TENM2: variants seen among roughly 807,000 people sequenced by gnomAD.
The protein encoded by TENM2 is teneurin transmembrane protein 2.
In TENM2, 52 loss-of-function variants were observed where a neutral mutation model predicts 245.2. The observed-to-expected ratio is 0.21, with a 90% CI of 0.17 to 0.27. TENM2 has a LOEUF of 0.27. Among genes scored for constraint, TENM2 ranks in the 10% least tolerant of loss-of-function variants. The pLI is 1.00. For missense variants in TENM2, 3,046 were observed against 3,666.8 expected, an observed-to-expected ratio of 0.83 and a Z score of 4.37; for synonymous variants, 1,363 against 1,438.9, an observed-to-expected ratio of 0.95 and a Z score of 1.19.
At chr5:167,210,794 T>A in the TENM2 span, among the ~76,000 whole-genome samples, 1 of 152,184 alleles carries the variant, frequency 6.6e-6, no homozygotes, top group South Asian at 2.1e-4. Flanking sequence ...TTCCTCTACA[T>A]GCATTTTCTA....
chr5:167,609,515 A>G (rs1414997666), intron 2 of TENM2, among the ~76,000 whole-genome samples: 6 of 87,822 alleles, frequency 6.8e-5, no homozygotes, highest in East Asian at 3.4e-4. Context: ...AAAAAAAACA[A>G]AACCTTACCT....
intron 1 of TENM2, among the ~76,000 whole-genome samples, chr5:167,355,543 G>T (rs767919689): frequency 6.6e-6 from 1 of 152,322 alleles, no homozygotes; most frequent in African/African-American, 2.4e-5. Flanking sequence ...TTGTGACACA[G>T]GAATAGCAGA....
chr5:168,056,623 A>G lies in TENM2; in HGVS notation c.1310-5437A>G, dbSNP rs140538333. Reference sequence around the variant, plus strand: ...TTTTTTATTAAGTTAGTGTAGCCTAAGTCTACAGTATTTACAAGGTCAAAA... The same window carrying G: ...TTTTTTATTAAGTTAGTGTAGCCTAGGTCTACAGTATTTACAAGGTCAAAA... On this transcript the variant is annotated intron_variant, in intron 6 of 28. Transcript: ENST00000518659. Among the ~76,000 whole-genome samples, 1,269 of 152,300 alleles carry G rather than the reference A, an allele frequency of 8.3e-3. 6 individuals are homozygous for G. The highest frequency in any genetic ancestry group is 0.024 in the Middle Eastern group (7 of 294).
intron 2 of TENM2, among the ~76,000 whole-genome samples, chr5:167,401,745 A>G (rs1223686560): frequency 1.3e-5 from 2 of 152,196 alleles, no homozygotes; most frequent in African/African-American, 4.8e-5. Flanking sequence ...TTATCCTATT[A>G]GAACACTGAC....
At chr5:167,049,362 T>C in the TENM2 span, among the ~76,000 whole-genome samples, 1 of 152,228 alleles carries the variant, frequency 6.6e-6, no homozygotes, top group African/African-American at 2.4e-5. Flanking sequence ...TGACTGCCTT[T>C]CGTCCTAAAA....
the TENM2 span, among the ~76,000 whole-genome samples, chr5:167,063,150 G>T: frequency 6.6e-6 from 1 of 152,040 alleles, no homozygotes; most frequent in Non-Finnish European, 1.5e-5. Flanking sequence ...AATGTCTTTT[G>T]CCCTCATGTT....
chr5:167,087,894 A>G, the TENM2 span, among the ~76,000 whole-genome samples: 3 of 151,840 alleles, frequency 2.0e-5, no homozygotes, highest in Non-Finnish European at 4.4e-5. Flanking sequence ...GGTTCCAGCA[A>G]TTCTCCTGCC....
intron 2 of TENM2, among the ~76,000 whole-genome samples, chr5:167,438,203 T>C (rs1764675753): frequency 1.3e-5 from 2 of 152,312 alleles, no homozygotes; most frequent in East Asian, 1.9e-4. Flanking sequence ...AAATGAACTA[T>C]GTACTTTTTT....
intron 8 of TENM2, among the ~76,000 whole-genome samples, chr5:168,093,003 A>G (rs1173512512): frequency 6.6e-6 from 1 of 152,240 alleles, no homozygotes; most frequent in East Asian, 1.9e-4. Flanking sequence ...CAACTGAGGA[A>G]GCCAAGACTA....
chr5:167,563,479 G>T (rs1019882651), intron 2 of TENM2, among the ~76,000 whole-genome samples: 1 of 152,090 alleles, frequency 6.6e-6, no homozygotes, highest in Non-Finnish European at 1.5e-5. Flanking sequence ...GTGATGTCTC[G>T]TAAATCTTTG....
chr5:167,332,167 T>G (rs760294438), intron 1 of TENM2, among the ~76,000 whole-genome samples: 1 of 152,308 alleles, frequency 6.6e-6, no homozygotes, highest in Admixed American at 6.5e-5. Flanking sequence ...GAAAAAAATT[T>G]GGGCGTTACG....
chr5:167,775,814 G>T (rs1163732050), intron 2 of TENM2, among the ~76,000 whole-genome samples: 1 of 152,088 alleles, frequency 6.6e-6, no homozygotes, highest in African/African-American at 2.4e-5. Flanking sequence ...GACCCAGCAG[G>T]TTTATTTCTA....
chr5:167,078,341 G>A, the TENM2 span, among the ~76,000 whole-genome samples: 1 of 152,080 alleles, frequency 6.6e-6, no homozygotes, highest in Non-Finnish European at 1.5e-5. Flanking sequence ...AAATTAGCCA[G>A]GTGTGGTGGC....
intron 3 of TENM2, among the ~76,000 whole-genome samples, chr5:167,893,724 C>T (rs1016658949): frequency 6.6e-6 from 1 of 151,054 alleles, no homozygotes; most frequent in African/African-American, 2.4e-5. Context: ...AATTTCCAAA[C>T]GCTTTTAAAA....
chr5:168,023,422 G>A (rs770536858), intron 5 of TENM2, among the ~76,000 whole-genome samples: 5 of 152,168 alleles, frequency 3.3e-5, no homozygotes, highest in Admixed American at 6.5e-5. Context: ...CTCTCTGGCA[G>A]CCTGGCCCGC....
intron 12 of TENM2, among the ~76,000 whole-genome samples, chr5:168,148,476 C>T (rs1250278311): frequency 6.6e-6 from 1 of 152,196 alleles, no homozygotes; most frequent in Non-Finnish European, 1.5e-5. Flanking sequence ...GATAAAGACC[C>T]TGTAATGATC....
At chr5:166,983,081 T>A in the TENM2 span, among the ~76,000 whole-genome samples, 1 of 152,124 alleles carries the variant, frequency 6.6e-6, no homozygotes, top group Non-Finnish European at 1.5e-5. Context: ...TTTTCTCTCC[T>A]TAATAAACAT....
intron 2 of TENM2, among the ~76,000 whole-genome samples, chr5:167,831,895 A>C (rs1768527670): frequency 6.6e-6 from 1 of 152,154 alleles, no homozygotes; most frequent in Admixed American, 6.5e-5. Context: ...TTCCACATGC[A>C]GCCGTGCAGT....
At chr5:167,841,320 GT>G (rs1769497213) in intron 2 of TENM2, among the ~76,000 whole-genome samples, 1 of 152,140 alleles carries the variant, frequency 6.6e-6, no homozygotes, top group African/African-American at 2.4e-5. Context: ...GCTTCCCAAA[GT>G]ATTGGGATTA....
Sources: gnomAD v4.1 joint callset for allele counts (sites outside exome capture counted in the v4.1 genomes callset) on GRCh38, gnomAD v4.1.1 for gene constraint, MANE v1.5 for transcripts, NCBI Gene and HGNC (gene_info 2026-07-23, HGNC 2026-07-21) for gene names.